The following RORA variants were observed in gnomAD, a reference collection of about 807,000 sequenced individuals.
RORA encodes the protein RAR related orphan receptor A.
In RORA, 7 loss-of-function variants were observed where a neutral mutation model predicts 69.5. The ratio of observed to expected loss-of-function variants is 0.10; its 90% confidence interval spans 0.06 to 0.19. The LOEUF (loss-of-function observed/expected upper bound fraction) is 0.19. RORA is among the 10% of genes least tolerant of loss of function. The pLI is 1.00. For missense variants in RORA, 457 were observed against 663.0 expected, an observed-to-expected ratio of 0.69 and a Z score of 3.41; for synonymous variants, 261 against 240.8, an observed-to-expected ratio of 1.08 and a Z score of -0.78.
At chr15:61,202,013 T>G (rs2079899539) in intron 1 of RORA, among the ~76,000 whole-genome samples, 2 of 147,932 alleles carry the variant, frequency 1.4e-5, no homozygotes, top group South Asian at 4.2e-4. Context: ...CTTGATCTTT[T>G]TTTTTTTTTT....
chr15:60,550,610 A>C (rs184084417), intron 2 of RORA, among the ~76,000 whole-genome samples: 1 of 152,220 alleles, frequency 6.6e-6, no homozygotes, highest in Non-Finnish European at 1.5e-5. Context: ...TCAGCTTTCA[A>C]TGGAAAAAAA....
chr15:61,125,449 G>A (rs773612753), intron 1 of RORA, among the ~76,000 whole-genome samples: 2 of 152,230 alleles, frequency 1.3e-5, no homozygotes, highest in South Asian at 4.1e-4. Flanking sequence ...AAAGAGCACA[G>A]TGGTGTGAAA....
chr15:60,604,501 G>A (rs1018227274), intron 2 of RORA, among the ~76,000 whole-genome samples: 4 of 151,956 alleles, frequency 2.6e-5, no homozygotes, highest in East Asian at 1.9e-4. Context: ...AACCTGATTC[G>A]TCACTCTCTT....
chr15:60,842,188 A>G (rs890253310), intron 1 of RORA, among the ~76,000 whole-genome samples: 3 of 151,896 alleles, frequency 2.0e-5, no homozygotes, highest in Admixed American at 6.6e-5. Flanking sequence ...CTTTGCTTGG[A>G]TACTGACAGA....
intron 2 of RORA, among the ~76,000 whole-genome samples, chr15:60,541,366 C>G (rs1283451099): frequency 6.6e-6 from 1 of 152,192 alleles, no homozygotes. Context: ...ACAACCAGTT[C>G]AGCCAGGCAT....
intron 1 of RORA, among the ~76,000 whole-genome samples, chr15:60,970,979 C>T (rs1003758097): frequency 6.6e-6 from 1 of 152,144 alleles, no homozygotes. Context: ...TCAACTGACT[C>T]ATGTTGGAAG....
chr15:60,620,955 T>C (rs2069388137), intron 2 of RORA, among the ~76,000 whole-genome samples: 1 of 152,230 alleles, frequency 6.6e-6, no homozygotes, highest in Non-Finnish European at 1.5e-5. Flanking sequence ...AATCCCGGGC[T>C]GCGTTTCTTA....
intron 1 of RORA, among the ~76,000 whole-genome samples, chr15:60,802,384 GC>G (rs2072596792): frequency 6.6e-6 from 1 of 152,144 alleles, no homozygotes; most frequent in Non-Finnish European, 1.5e-5. Flanking sequence ...TTTACAGAGG[GC>G]TATTGGTCCT....
At chr15:60,584,588 G>A (rs1362047480) in intron 2 of RORA, among the ~76,000 whole-genome samples, 3 of 152,160 alleles carry the variant, frequency 2.0e-5, no homozygotes, top group African/African-American at 7.2e-5. Context: ...AGGTGTCTCA[G>A]CTCCTATTAT....
chr15:61,014,232 G>C (rs956084338), intron 1 of RORA, among the ~76,000 whole-genome samples: 4 of 152,178 alleles, frequency 2.6e-5, no homozygotes, highest in Admixed American at 2.6e-4. Context: ...TATAAAATGA[G>C]AGCACAAATT....
intron 1 of RORA, among the ~76,000 whole-genome samples, chr15:60,834,294 GC>G (rs1219990254): frequency 3.9e-5 from 6 of 152,186 alleles, no homozygotes; most frequent in African/African-American, 1.4e-4. Context: ...GGTTTTAAAA[GC>G]TAAATGACTC....
In RORA at chr15:61,226,241, T is replaced by C. The variant is rs1316384377; in HGVS notation, c.166+2812A>G. On this transcript the variant is annotated intron_variant, in intron 1 of 10. Transcript: ENST00000335670. The surrounding 1 kb of genome is among the most constrained non-coding windows in gnomAD (Gnocchi z 4.2). Reference sequence around the variant, plus strand: ...TAAACCTGCTACCCTTTGGAAAGTATCTCCCAAATCAGAAAGCTTCCCATT... The same window carrying C: ...TAAACCTGCTACCCTTTGGAAAGTACCTCCCAAATCAGAAAGCTTCCCATT... Among the ~76,000 whole-genome samples, 1 of 152,146 alleles carries C rather than the reference T, an allele frequency of 6.6e-6. No homozygotes were observed. Among genetic ancestry groups the C allele is most frequent in the African/African-American group, 2.4e-5 (1 of 41,426 alleles).
At chr15:60,909,978 A>C (rs1384121) in intron 1 of RORA, among the ~76,000 whole-genome samples, 141,582 of 152,298 alleles carry the variant, frequency 0.93, 66,052 homozygotes, top group Non-Finnish European at 0.97. Flanking sequence ...AAGCCCTTTG[A>C]TTCCTGCAGA....
chr15:61,019,961 C>T (rs1895448221), intron 1 of RORA, among the ~76,000 whole-genome samples: 1 of 152,232 alleles, frequency 6.6e-6, no homozygotes, highest in South Asian at 2.1e-4. Flanking sequence ...GCTCTTCTCT[C>T]TCTGTATCCT....
At chr15:60,927,778 C>T (rs2140496528) in intron 1 of RORA, among the ~76,000 whole-genome samples, 1 of 152,038 alleles carries the variant, frequency 6.6e-6, no homozygotes, top group East Asian at 1.9e-4. Flanking sequence ...TGTCTCAAAA[C>T]AAACAAACAA....
chr15:60,543,141 T>G (rs946404028), intron 2 of RORA, among the ~76,000 whole-genome samples: 4 of 138,880 alleles, frequency 2.9e-5, no homozygotes, highest in African/African-American at 1.0e-4. Context: ...TTAGCTTCAC[T>G]GCATAGGAAT....
chr15:60,699,947 C>T (rs566284519), intron 1 of RORA, among the ~76,000 whole-genome samples: 3 of 152,104 alleles, frequency 2.0e-5, no homozygotes, highest in South Asian at 2.1e-4. Context: ...AGACAAAGTA[C>T]GCATAAAGAA....
intron 1 of RORA, among the ~76,000 whole-genome samples, chr15:60,891,054 G>C (rs182701829): frequency 2.7e-4 from 41 of 152,166 alleles, no homozygotes; most frequent in African/African-American, 4.6e-4. Context: ...TTCAAAACAG[G>C]GGGGAGATGT....
Position 60,511,312 on chromosome 15 carries a change from C to A in RORA, c.734G>T (p.Cys245Phe). 3 of 1,614,168 alleles carry A rather than the reference C, an allele frequency of 1.9e-6. No homozygotes were observed. Among genetic ancestry groups the A allele is most frequent in the Non-Finnish European group, 2.5e-6 (3 of 1,180,024 alleles). The change falls in exon 5 of 11, where the codon TGT becomes TTT. Residue 245 changes from cysteine (C) to phenylalanine (F), a missense_variant. Around this residue, in one of 3 missense-constraint regions of RORA, gnomAD observed 304 missense variants for 447.4 expected, o/e 0.68. Transcript: ENST00000335670. The surrounding 1 kb of genome is among the most constrained non-coding windows in gnomAD (Gnocchi z 6.4). The stretch of plus-strand genomic sequence containing the variant: ...GAAGCCTGATGCTGGTGTGTAGTCA[C>A]ATATTGGTTCTGGTTTGATTCCATT... ...DINGIKPEPI[C>F]DYTPASGFFP...
Sources: gnomAD v4.1 joint callset for allele counts (sites outside exome capture counted in the v4.1 genomes callset) on GRCh38, gnomAD v4.1.1 for gene constraint, gnomAD v4.1.1 regional missense constraint, Gnocchi (gnomAD v3.1) non-coding constraint, MANE v1.5 for transcripts, NCBI Gene and HGNC (gene_info 2026-07-23, HGNC 2026-07-21) for gene names.